The following MDFIC variants were observed in gnomAD, a reference collection of about 807,000 sequenced individuals.
The protein encoded by MDFIC is MyoD family inhibitor domain containing, also known as myoD family inhibitor domain-containing protein.
Under a neutral mutation model 23.2 loss-of-function variants are expected in MDFIC, and 17 were observed. The observed-to-expected ratio is 0.73, with a 90% CI of 0.50 to 1.10. The LOEUF (loss-of-function observed/expected upper bound fraction) is 1.10, where lower values mean the gene tolerates loss of function less well. Among genes scored for constraint, MDFIC ranks in the 50% least tolerant of loss-of-function variants. The pLI is 0.00. For synonymous variants in MDFIC, 120 were observed against 115.2 expected, an observed-to-expected ratio of 1.04 and a Z score of -0.27; for missense variants, 356 against 316.6, an observed-to-expected ratio of 1.12 and a Z score of -0.95.
intron 3 of MDFIC, among the ~76,000 whole-genome samples, chr7:114,948,889 G>T (rs1253508568): frequency 6.6e-6 from 1 of 152,030 alleles, no homozygotes; most frequent in Non-Finnish European, 1.5e-5. Context: ...TAAGAAAAAA[G>T]AGACTGCTTT....
At chr7:114,979,424 T>C in intron 3 of MDFIC, 82 bp from the exon 4 acceptor site, 1 of 1,387,200 alleles carries the variant, frequency 7.2e-7, no homozygotes, top group South Asian at 1.5e-5. Context: ...CCCAAATCTC[T>C]GTTACTGAAT....
At chr7:114,956,425 A>C (rs73719543) in intron 3 of MDFIC, among the ~76,000 whole-genome samples, 3,651 of 152,022 alleles carry the variant, frequency 0.024, 130 homozygotes, top group African/African-American at 0.081. Context: ...TCTTAGAAAA[A>C]AGGCATTTTT....
chr7:114,980,715 C>G (rs537495975), intron 4 of MDFIC, among the ~76,000 whole-genome samples: 22 of 152,242 alleles, frequency 1.4e-4, no homozygotes, highest in Non-Finnish European at 3.2e-4. Context: ...ATATATTTCT[C>G]CTTATTCCCC....
Position 114,923,003 on chromosome 7 carries a change from G to A in MDFIC, c.-31G>A, listed in dbSNP as rs775687625. On this transcript the variant is annotated 5_prime_UTR_variant, in exon 2 of 5. Transcript: ENST00000393486. Reference sequence around the variant, plus strand: ...CTGCCGGGCGGCGAGCTAGGCGGCAGCGGCGCGGCGCGGGCTCGGCGGAGC... The same window carrying A: ...CTGCCGGGCGGCGAGCTAGGCGGCAACGGCGCGGCGCGGGCTCGGCGGAGC... 4.0e-6 allele frequency: 6 copies of A among 1,484,020 alleles called. No homozygotes were observed. The highest frequency in any genetic ancestry group is 2.3e-5 in the Admixed American group (1 of 43,982). The allele number at this position is 1,484,020 out of a possible 1,614,324, so 91.9% of individuals were successfully genotyped here.
chr7:114,969,962 A>C (rs906013666), intron 3 of MDFIC, among the ~76,000 whole-genome samples: 10 of 152,202 alleles, frequency 6.6e-5, no homozygotes, highest in Non-Finnish European at 1.3e-4. Flanking sequence ...CATGTGGCTT[A>C]AAACACCTCT....
At chr7:114,969,558 A>G (rs1475430123) in intron 3 of MDFIC, among the ~76,000 whole-genome samples, 2 of 152,198 alleles carry the variant, frequency 1.3e-5, no homozygotes, top group African/African-American at 4.8e-5. Flanking sequence ...ATTCTATTAA[A>G]AATACTTTAT....
At position 114,923,058 on chromosome 7, in the gene MDFIC, G is replaced by A; in HGVS notation, c.25G>A (p.Ala9Thr). 7.3e-7 allele frequency: 1 copy of A among 1,361,512 alleles called. No individual in the cohort carries two copies. The highest frequency in any genetic ancestry group is 1.7e-5 in the South Asian group (1 of 57,358). 84.3% of individuals were successfully genotyped at this position (1,361,512 alleles called of 1,614,324 possible). A position where few individuals can be genotyped will look rare whatever the true frequency, so the allele number is the denominator to read the frequency against. MSGAGEAL[A>T]PGPVGPQRVA... ...CATGTCCGGCGCGGGCGAAGCCCTC[G>A]CTCCCGGGCCCGTGGGGCCGCAGCG... Residue 9 changes from alanine (A) to threonine (T), a missense_variant, in exon 2 of 5, where the codon GCT (alanine) becomes ACT (threonine). Ala to Thr is a moderately conservative substitution (Grantham distance 58, BLOSUM62 0). Transcript: ENST00000393486.
intron 3 of MDFIC, among the ~76,000 whole-genome samples, chr7:114,955,061 C>A (rs1157311117): frequency 6.6e-6 from 1 of 152,068 alleles, no homozygotes; most frequent in Non-Finnish European, 1.5e-5. Context: ...AGACCCCCAT[C>A]TACAATGGCT....
chr7:115,014,273 C>T (rs945392401), intron 4 of MDFIC: 3 of 985,334 alleles, frequency 3.0e-6, no homozygotes, highest in Admixed American at 6.1e-5. Context: ...AAGAGACTGC[C>T]GTAGGTACCC....
At chr7:114,967,489 A>C (rs188197677) in intron 3 of MDFIC, among the ~76,000 whole-genome samples, 9 of 152,348 alleles carry the variant, frequency 5.9e-5, no homozygotes, top group East Asian at 3.9e-4. Context: ...GACTGTAAAC[A>C]TATGGAATCT....
At chr7:115,001,630 A>G (rs1791467329) in intron 4 of MDFIC, among the ~76,000 whole-genome samples, 1 of 152,182 alleles carries the variant, frequency 6.6e-6, no homozygotes, top group African/African-American at 2.4e-5. Context: ...TGGAGTCAAC[A>G]GGTGTTTATT....
chr7:114,949,581 C>T (rs1471389024), intron 3 of MDFIC, among the ~76,000 whole-genome samples: 1 of 152,028 alleles, frequency 6.6e-6, no homozygotes, highest in African/African-American at 2.4e-5. Flanking sequence ...ATTTTAAAAA[C>T]AAAATTAAAA....
intron 3 of MDFIC, among the ~76,000 whole-genome samples, chr7:114,956,914 A>G (rs908050600): frequency 2.0e-5 from 3 of 152,200 alleles, no homozygotes; most frequent in Non-Finnish European, 4.4e-5. Flanking sequence ...CTGATGGCCC[A>G]CAGGAACTGA....
At chr7:115,003,274 C>T (rs987393963) in intron 4 of MDFIC, among the ~76,000 whole-genome samples, 9 of 152,160 alleles carry the variant, frequency 5.9e-5, no homozygotes, top group African/African-American at 1.7e-4. Context: ...TTCACTATGA[C>T]AGTTTCAGCC....
intron 3 of MDFIC, among the ~76,000 whole-genome samples, chr7:114,951,868 G>A (rs1226385824): frequency 6.6e-6 from 1 of 152,186 alleles, no homozygotes; most frequent in Non-Finnish European, 1.5e-5. Context: ...GATAGAACCA[G>A]CTACATGATT....
intron 3 of MDFIC, among the ~76,000 whole-genome samples, chr7:114,979,035 T>C (rs1355731671): frequency 6.6e-6 from 1 of 152,148 alleles, no homozygotes; most frequent in African/African-American, 2.4e-5. Context: ...GTATTTTTCT[T>C]TGTATTGTCT....
chr7:114,944,661 CTG>C (rs1792610585), intron 3 of MDFIC, among the ~76,000 whole-genome samples: 1 of 152,210 alleles, frequency 6.6e-6, no homozygotes, highest in Non-Finnish European at 1.5e-5. Flanking sequence ...TTGGCCATCT[CTG>C]TGTAATTTAG....
chr7:114,987,797 CT>C (rs1044166296), intron 4 of MDFIC, among the ~76,000 whole-genome samples: 2 of 151,880 alleles, frequency 1.3e-5, no homozygotes, highest in South Asian at 4.2e-4. Flanking sequence ...AATTAGCTGT[CT>C]TTTTTTAAAA....
At chr7:114,923,305 C>G (rs1194492809) in intron 2 of MDFIC, among the ~76,000 whole-genome samples, 178 bp downstream of exon 2, 1 of 152,206 alleles carries the variant, frequency 6.6e-6, no homozygotes, top group African/African-American at 2.4e-5. Flanking sequence ...TGCCCTAGAT[C>G]AACAACCGGG....
Sources: allele counts gnomAD v4.1 joint callset (sites outside exome capture counted in the v4.1 genomes callset), GRCh38; gene constraint gnomAD v4.1.1; transcripts MANE v1.5; gene names NCBI Gene and HGNC (gene_info 2026-07-23, HGNC 2026-07-21).